Variants in WWC1 observed in about 807,000 individuals in gnomAD.
WWC1 encodes WW and C2 domain containing 1.
A neutral mutation model predicts 138.4 loss-of-function variants in WWC1; 55 were observed. The ratio of observed to expected loss-of-function variants is 0.40; its 90% CI spans 0.32 to 0.50. The LOEUF is 0.50. WWC1 is among the 20% of genes least tolerant of loss of function. The pLI, the probability that WWC1 is intolerant of heterozygous loss-of-function variation, is 0.72. For synonymous variants in WWC1, 524 were observed against 564.9 expected, an observed-to-expected ratio of 0.93 and a Z score of 1.03; for missense variants, 1,226 against 1,420.4, an observed-to-expected ratio of 0.86 and a Z score of 2.20.
chr5:168,444,505 T>G lies in WWC1; in HGVS notation c.2445T>G (p.Ser815=). ...CTTTGTCTCTATAGGACGCTGTGTCTGCTCTGTTGGAACAGACAGCAGTGG... is the reference window on the plus strand; with the variant it reads ...CTTTGTCTCTATAGGACGCTGTGTCGGCTCTGTTGGAACAGACAGCAGTGG... The part of the protein sequence containing the change: ...ASGPASTDAV[S]ALLEQTAVEL... The change falls in exon 17 of 23, where the codon TCT becomes TCG. Residue 815 remains serine, a synonymous_variant. Coordinates refer to ENST00000265293, the MANE Select transcript of WWC1 (RefSeq NM_015238.3). 1 of 1,584,004 alleles carries G rather than the reference T, an allele frequency of 6.3e-7. No homozygotes were observed. The highest frequency in any genetic ancestry group is 1.1e-5 in the South Asian group (1 of 87,254).
intron 1 of WWC1, among the ~76,000 whole-genome samples, chr5:168,348,422 G>C (rs927958124): frequency 2.0e-5 from 3 of 152,208 alleles, no homozygotes; most frequent in African/African-American, 4.8e-5. Context: ...TCCACAGCCG[G>C]ATGGGAAGAG....
chr5:168,318,531 A>T (rs1356814491), intron 1 of WWC1, among the ~76,000 whole-genome samples: 1 of 151,424 alleles, frequency 6.6e-6, no homozygotes, highest in African/African-American at 2.4e-5. Context: ...GTGAAATCTT[A>T]GAGTATTTGT....
intron 1 of WWC1, among the ~76,000 whole-genome samples, chr5:168,293,162 T>G (rs1769220086): frequency 6.6e-6 from 1 of 152,194 alleles, no homozygotes; most frequent in African/African-American, 2.4e-5. Context: ...CTCTCCAGAC[T>G]TTCTCCTGGT....
At position 168,423,572 on chromosome 5, in the gene WWC1, C is replaced by T; in HGVS notation, c.1314C>T (p.Ser438=). 6.8e-6 allele frequency: 11 copies of T among 1,613,790 alleles called. No homozygotes were observed. The highest frequency in any genetic ancestry group is 8.5e-6 in the Non-Finnish European group (10 of 1,179,838). Residue 438 remains serine, a synonymous_variant, in exon 11 of 23, where the codon AGC becomes AGT. Coordinates refer to ENST00000265293, the MANE Select transcript of WWC1 (RefSeq NM_015238.3). The part of the protein sequence containing the change: ...SSMQSLSSGS[S]PGSLTSSRGS... ...TGCAGTCCCTGTCCTCAGGCAGCAG[C>T]CCCGGATCCCTCACGTCCAGCCGGG...
At position 168,410,103 on chromosome 5, in the gene WWC1, C is replaced by T. The variant is rs1302811382; in HGVS notation, c.941+108C>T. ...CACACACTTCGTCTTCTTTAATCCT[C>T]ACAAAGATTATGAAGATAGTTATTA... On this transcript the variant is annotated intron_variant, in intron 8 of 22. Coordinates refer to ENST00000265293, the MANE Select transcript of WWC1 (RefSeq NM_015238.3). 5 of 1,088,292 alleles carry T rather than the reference C, an allele frequency of 4.6e-6. No individual in the cohort carries two copies. The African/African-American group carries it at 7.8e-5, about 17-fold the overall frequency. The allele number at this position is 1,088,292 out of a possible 1,614,324, so 67.4% of individuals were successfully genotyped here.
At chr5:168,407,420 T>G (rs1263971804) in intron 6 of WWC1, among the ~76,000 whole-genome samples, 1 of 152,122 alleles carries the variant, frequency 6.6e-6, no homozygotes, top group Non-Finnish European at 1.5e-5. Flanking sequence ...CACCTCCCTT[T>G]CCACAAACCA....
At chr5:168,441,472 A>T (rs1275542968) in intron 15 of WWC1, among the ~76,000 whole-genome samples, 1 of 152,194 alleles carries the variant, frequency 6.6e-6, no homozygotes, top group Non-Finnish European at 1.5e-5. Flanking sequence ...TTCAATAAAG[A>T]TTTGGCAAAT....
intron 11 of WWC1, among the ~76,000 whole-genome samples, chr5:168,424,668 A>G (rs1242678486): frequency 6.6e-6 from 1 of 152,178 alleles, no homozygotes; most frequent in African/African-American, 2.4e-5. Flanking sequence ...GCAAGGGACT[A>G]GAAGGGGAGC....
At chr5:168,424,110 G>C (rs764977645) in intron 11 of WWC1, 42 bp downstream of exon 11, 1 of 1,542,740 alleles carries the variant, frequency 6.5e-7, no homozygotes, top group African/African-American at 1.4e-5. Context: ...CAGGAGGAGG[G>C]AAAGAGATAC....
chr5:168,367,869 A>G (rs1561666693), intron 1 of WWC1, among the ~76,000 whole-genome samples: 1 of 152,186 alleles, frequency 6.6e-6, no homozygotes, highest in Non-Finnish European at 1.5e-5. Flanking sequence ...TTAATAAAAA[A>G]AAAGAAAGAG....
intron 1 of WWC1, among the ~76,000 whole-genome samples, chr5:168,359,783 C>G (rs1388777933): frequency 6.6e-6 from 1 of 152,162 alleles, no homozygotes; most frequent in African/African-American, 2.4e-5. Flanking sequence ...ACAGTGTCTT[C>G]CCATTCAGAA....
At chr5:168,365,348 C>G (rs1776205524) in intron 1 of WWC1, among the ~76,000 whole-genome samples, 1 of 152,132 alleles carries the variant, frequency 6.6e-6, no homozygotes, top group African/African-American at 2.4e-5. Flanking sequence ...AGCCAGCCCT[C>G]AGAGAGAGCA....
At chr5:168,390,760 C>T (rs976150813) in intron 3 of WWC1, among the ~76,000 whole-genome samples, 7 of 152,232 alleles carry the variant, frequency 4.6e-5, no homozygotes, top group African/African-American at 1.7e-4. Flanking sequence ...CAGACGGGGC[C>T]CTGCCTTGGG....
intron 1 of WWC1, among the ~76,000 whole-genome samples, chr5:168,325,561 G>A (rs1470201462): frequency 1.3e-5 from 2 of 152,198 alleles, no homozygotes; most frequent in African/African-American, 2.4e-5. Flanking sequence ...TGGATAGGCT[G>A]TATCTGGTGG....
intron 1 of WWC1, among the ~76,000 whole-genome samples, chr5:168,346,347 A>G (rs898278027): frequency 6.6e-6 from 1 of 152,270 alleles, no homozygotes; most frequent in East Asian, 1.9e-4. Flanking sequence ...CAGGAACCAT[A>G]CAGGGAAACA....
Position 168,394,049 on chromosome 5 carries a change from A to G in WWC1, c.434-3675A>G, listed in dbSNP as rs111925325. Reference sequence around the variant, plus strand: ...ACTGAACATCGCTTTCACCAAAAGTATGCTATTGCTTTTAGGATGACGGGG... The same window carrying G: ...ACTGAACATCGCTTTCACCAAAAGTGTGCTATTGCTTTTAGGATGACGGGG... On this transcript the variant is annotated intron_variant, in intron 3 of 22. Coordinates refer to ENST00000265293, the MANE Select transcript of WWC1 (RefSeq NM_015238.3). Among the ~76,000 whole-genome samples the G allele has an allele frequency of 8.5e-4, 129 of 152,348 alleles. No individual in the cohort carries two copies. In the Middle Eastern group the frequency reaches 0.01, roughly 12 times the overall value.
At chr5:168,437,800 G>C (rs1351629624) in intron 15 of WWC1, among the ~76,000 whole-genome samples, 1 of 152,074 alleles carries the variant, frequency 6.6e-6, no homozygotes, top group Non-Finnish European at 1.5e-5. Context: ...TGTGATCCTG[G>C]TCTTTTCCCC....
chr5:168,404,513 T>C (rs1779633785), intron 5 of WWC1, among the ~76,000 whole-genome samples: 1 of 152,186 alleles, frequency 6.6e-6, no homozygotes, highest in African/African-American at 2.4e-5. Context: ...GAGACCGTGC[T>C]CCATGCCTCG....
chr5:168,312,866 A>G (rs1273413435), intron 1 of WWC1, among the ~76,000 whole-genome samples: 1 of 133,608 alleles, frequency 7.5e-6, no homozygotes, highest in African/African-American at 2.9e-5. Context: ...CCCAGGCTGG[A>G]TTGCAATGGC....
Sources: gnomAD v4.1 joint callset for allele counts (sites outside exome capture counted in the v4.1 genomes callset) on GRCh38, gnomAD v4.1.1 for gene constraint, MANE v1.5 for transcripts, NCBI Gene and HGNC (gene_info 2026-07-23, HGNC 2026-07-21) for gene names.